The following VDAC1 variants were observed in gnomAD, a reference collection of about 807,000 sequenced individuals.
The protein encoded by VDAC1 is non-selective voltage-gated ion channel VDAC1.
VDAC1 carries 10 observed loss-of-function variants against 34.7 expected under a neutral mutation model. The ratio of observed to expected loss-of-function variants is 0.29; its 90% CI spans 0.18 to 0.49. The LOEUF is 0.49. VDAC1 is among the 20% of genes least tolerant of loss of function. VDAC1 has a pLI of 0.99. For missense variants in VDAC1, 230 were observed against 347.9 expected, an observed-to-expected ratio of 0.66 and a Z score of 2.69; for synonymous variants, 130 against 136.0, an observed-to-expected ratio of 0.96 and a Z score of 0.30.
At chr5:134,066,205 T>C in the VDAC1 span, among the ~76,000 whole-genome samples, 17 of 152,270 alleles carry the variant, frequency 1.1e-4, no homozygotes, top group Non-Finnish European at 1.9e-4. Context: ...GGTTTCACCA[T>C]ACTGACCAGG....
chr5:133,991,822 C>T (rs752222257), intron 3 of VDAC1, among the ~76,000 whole-genome samples: 5 of 152,182 alleles, frequency 3.3e-5, no homozygotes, highest in African/African-American at 1.2e-4. Flanking sequence ...CAAATTCCCA[C>T]GTTCCATACA....
At chr5:133,973,672 C>G (rs926844768) in intron 8 of VDAC1, 119 bp downstream of exon 8, 2 of 805,232 alleles carry the variant, frequency 2.5e-6, no homozygotes, top group Admixed American at 2.5e-5. Context: ...TTACATATAT[C>G]CATTTATATA....
intron 3 of VDAC1, 133 bp downstream of exon 3, chr5:133,992,173 T>G: frequency 1.9e-6 from 1 of 519,544 alleles, no homozygotes; most frequent in Non-Finnish European, 2.9e-6. Flanking sequence ...GAAGTGGAGG[T>G]TGTGGTGAGC....
the VDAC1 span, among the ~76,000 whole-genome samples, chr5:134,042,512 CAG>C: frequency 6.6e-6 from 1 of 152,040 alleles, no homozygotes; most frequent in East Asian, 1.9e-4. Flanking sequence ...TTTTCTTAGA[CAG>C]AGTCTTGCTC....
the VDAC1 span, among the ~76,000 whole-genome samples, chr5:134,014,383 C>T: frequency 6.6e-6 from 1 of 152,172 alleles, no homozygotes; most frequent in Non-Finnish European, 1.5e-5. Context: ...ATCAAAACCA[C>T]AATGAGTGCC....
chr5:134,044,165 G>A, the VDAC1 span, among the ~76,000 whole-genome samples: 3 of 152,076 alleles, frequency 2.0e-5, no homozygotes, highest in African/African-American at 7.2e-5. Context: ...CCTCATTTCC[G>A]TATAGCTGTC....
the VDAC1 span, among the ~76,000 whole-genome samples, chr5:134,077,871 A>G: frequency 6.6e-6 from 1 of 152,256 alleles, no homozygotes; most frequent in Non-Finnish European, 1.5e-5. Context: ...TACTAAAGCC[A>G]GAGAAGGATA....
chr5:133,996,967 A>C (rs1236196925), intron 1 of VDAC1, among the ~76,000 whole-genome samples: 1 of 152,176 alleles, frequency 6.6e-6, no homozygotes, highest in African/African-American at 2.4e-5. Flanking sequence ...ACCAAGTGCC[A>C]TCAGAAGCAC....
At chr5:134,066,844 G>T in the VDAC1 span, among the ~76,000 whole-genome samples, 1 of 152,162 alleles carries the variant, frequency 6.6e-6, no homozygotes, top group Non-Finnish European at 1.5e-5. Flanking sequence ...GTCACTTCTG[G>T]TCACATACCA....
intron 6 of VDAC1, among the ~76,000 whole-genome samples, chr5:133,977,026 A>G (rs559749897): frequency 4.7e-4 from 72 of 152,368 alleles, no homozygotes; most frequent in African/African-American, 1.1e-3. Context: ...TCTGGGTGAC[A>G]GAGTGAGACT....
chr5:133,991,354 A>T (rs1753096302), intron 3 of VDAC1, among the ~76,000 whole-genome samples, 200 bp from the exon 4 acceptor site: 1 of 152,170 alleles, frequency 6.6e-6, no homozygotes, highest in African/African-American at 2.4e-5. Flanking sequence ...TCTTATGGGG[A>T]ATTTGTTGTC....
chr5:134,063,899 T>C, the VDAC1 span, among the ~76,000 whole-genome samples: 1 of 152,136 alleles, frequency 6.6e-6, no homozygotes, highest in East Asian at 1.9e-4. Context: ...GTAGCACAAT[T>C]AGAGCTCACT....
the VDAC1 span, among the ~76,000 whole-genome samples, chr5:134,112,901 G>C: frequency 6.6e-6 from 1 of 152,152 alleles, no homozygotes; most frequent in Non-Finnish European, 1.5e-5. Context: ...TCATGGGTCT[G>C]GGGACAGCTA....
the VDAC1 span, among the ~76,000 whole-genome samples, chr5:134,065,849 A>T: frequency 6.5e-5 from 8 of 122,642 alleles, no homozygotes; most frequent in Admixed American, 8.2e-4. Flanking sequence ...GCTGGAGTGC[A>T]GTGGTGCCAT....
At chr5:134,067,321 C>G in the VDAC1 span, among the ~76,000 whole-genome samples, 1 of 151,188 alleles carries the variant, frequency 6.6e-6, no homozygotes, top group South Asian at 2.1e-4. Flanking sequence ...GTGACATGCC[C>G]ACCTCGGCCT....
At chr5:134,025,277 G>A in the VDAC1 span, among the ~76,000 whole-genome samples, 1 of 152,128 alleles carries the variant, frequency 6.6e-6, no homozygotes, top group Non-Finnish European at 1.5e-5. Flanking sequence ...GGGTTGGGAG[G>A]AGGTTGTGGT....
chr5:134,015,776 C>G, the VDAC1 span, among the ~76,000 whole-genome samples: 1 of 152,106 alleles, frequency 6.6e-6, no homozygotes, highest in African/African-American at 2.4e-5. Flanking sequence ...TCCCGAGTAG[C>G]TGGGACTACA....
the VDAC1 span, among the ~76,000 whole-genome samples, chr5:134,031,893 T>C: frequency 1.4e-5 from 2 of 147,830 alleles, no homozygotes; most frequent in Admixed American, 1.4e-4. Context: ...GGAGGTTGCA[T>C]TGAGCCGAGA....
chr5:134,109,973 C>T, the VDAC1 span, among the ~76,000 whole-genome samples: 1 of 152,286 alleles, frequency 6.6e-6, no homozygotes, highest in East Asian at 1.9e-4. Context: ...GGCCACTCCA[C>T]GTTTGCCTTC....
Sources: gnomAD v4.1 joint callset for allele counts (sites outside exome capture counted in the v4.1 genomes callset) on GRCh38, gnomAD v4.1.1 for gene constraint, MANE v1.5 for transcripts, NCBI Gene and HGNC (gene_info 2026-07-23, HGNC 2026-07-21) for gene names.